Variants in TENM4 observed in about 807,000 individuals in gnomAD.
TENM4 encodes teneurin-4.
In TENM4, 82 loss-of-function variants were observed where a neutral mutation model predicts 243.3. The observed-to-expected ratio is 0.34, with a 90% CI of 0.28 to 0.40. TENM4 has a LOEUF of 0.40. Among genes scored for constraint, TENM4 ranks in the 10% least tolerant of loss-of-function variants. The pLI is 1.00. For synonymous variants in TENM4, 1,412 were observed against 1,456.3 expected (o/e 0.97, Z 0.69); for missense variants, 3,138 against 3,673.3 (o/e 0.85, Z 3.77).
chr11:78,745,186 C>T (rs1485577460), intron 19 of TENM4, among the ~76,000 whole-genome samples: 2 of 151,728 alleles, frequency 1.3e-5, no homozygotes, highest in Non-Finnish European at 2.9e-5. Flanking sequence ...ACACAACAAA[C>T]CAGTGTGGGT....
chr11:78,804,440 G>C (rs664892), intron 15 of TENM4, among the ~76,000 whole-genome samples: 110,022 of 152,090 alleles, frequency 0.72, 40,710 homozygotes, highest in Non-Finnish European at 0.8. Context: ...ATAGCTGACA[G>C]CTTTCTTGTA....
At chr11:78,843,337 T>C (rs1007963395) in intron 12 of TENM4, among the ~76,000 whole-genome samples, 2 of 151,440 alleles carry the variant, frequency 1.3e-5, no homozygotes, top group African/African-American at 4.9e-5. Context: ...TTTTAAAAAA[T>C]TTAGTCAGGT....
intron 6 of TENM4, among the ~76,000 whole-genome samples, chr11:79,029,375 T>A (rs953542045): frequency 6.6e-6 from 1 of 152,222 alleles, no homozygotes; most frequent in African/African-American, 2.4e-5. Flanking sequence ...GAATAACCAA[T>A]GCTCTTATGG....
At chr11:79,109,584 C>A (rs11826323) in intron 4 of TENM4, among the ~76,000 whole-genome samples, 2 of 152,072 alleles carry the variant, frequency 1.3e-5, no homozygotes, top group Non-Finnish European at 2.9e-5. Context: ...TCCCAGCCCA[C>A]GCAAGCGAGC....
chr11:79,170,998 G>A (rs1026970119), intron 3 of TENM4, among the ~76,000 whole-genome samples: 1 of 152,180 alleles, frequency 6.6e-6, no homozygotes, highest in Admixed American at 6.5e-5. Context: ...TTTGACTTGA[G>A]AAAGAGAGGA....
At chr11:79,436,636 G>C (rs986332670) in intron 1 of TENM4, among the ~76,000 whole-genome samples, 4 of 152,102 alleles carry the variant, frequency 2.6e-5, no homozygotes, top group African/African-American at 9.7e-5. Flanking sequence ...ACTCACTATA[G>C]AACTATCCTT....
At chr11:79,053,898 G>A (rs1206186593) in intron 6 of TENM4, among the ~76,000 whole-genome samples, 1 of 152,164 alleles carries the variant, frequency 6.6e-6, no homozygotes, top group East Asian at 1.9e-4. Context: ...CTGTCCATCT[G>A]CCTGGGTTGA....
intron 12 of TENM4, among the ~76,000 whole-genome samples, chr11:78,819,545 C>A (rs1364112649): frequency 2.0e-5 from 3 of 152,188 alleles, no homozygotes; most frequent in Non-Finnish European, 4.4e-5. Flanking sequence ...CTCACCATGG[C>A]ATGGGCATAC....
At chr11:79,406,524 A>G (rs1198942518) in intron 1 of TENM4, among the ~76,000 whole-genome samples, 3 of 152,230 alleles carry the variant, frequency 2.0e-5, no homozygotes, top group South Asian at 2.1e-4. Context: ...CAGAAAGATT[A>G]AAGAGGAAGT....
At chr11:79,174,584 T>C (rs1323568764) in intron 3 of TENM4, among the ~76,000 whole-genome samples, 2 of 152,154 alleles carry the variant, frequency 1.3e-5, no homozygotes, top group Non-Finnish European at 2.9e-5. Flanking sequence ...CTGGGTCAAC[T>C]GGGCTCTCTC....
intron 1 of TENM4, among the ~76,000 whole-genome samples, chr11:79,306,676 A>T (rs1856631222): frequency 6.6e-6 from 1 of 152,216 alleles, no homozygotes; most frequent in Non-Finnish European, 1.5e-5. Flanking sequence ...CTCTACATGC[A>T]CACATTTAGT....
At chr11:79,073,130 T>A (rs539501492) in intron 4 of TENM4, among the ~76,000 whole-genome samples, 1 of 152,322 alleles carries the variant, frequency 6.6e-6, no homozygotes, top group South Asian at 2.1e-4. Context: ...CAAATGGGTA[T>A]AACTGCTGTA....
In TENM4 at chr11:78,941,812, T is replaced by C. The variant is rs1172634109; in HGVS notation, c.494-38289A>G. 2.0e-5 allele frequency among the ~76,000 whole-genome samples: 3 copies of C among 152,204 alleles called. No homozygotes were observed. In the East Asian group the frequency reaches 5.8e-4, roughly 29 times the overall value. On this transcript the variant is annotated intron_variant, in intron 6 of 33. Transcript: ENST00000278550. Reference sequence around the variant, plus strand: ...GACTCTGACACAACACAGGCTGCATTCTTGGCCTGTCTGTAATCAGATTTC... The same window carrying C: ...GACTCTGACACAACACAGGCTGCATCCTTGGCCTGTCTGTAATCAGATTTC...
At chr11:78,814,493 T>G (rs1591043660) in intron 12 of TENM4, 98 bp from the exon 13 acceptor site, 1 of 944,158 alleles carries the variant, frequency 1.1e-6, no homozygotes, top group East Asian at 2.8e-5. Context: ...CCCACATATT[T>G]GAGCTCTTGT....
chr11:79,155,062 A>G (rs908284559), intron 3 of TENM4, among the ~76,000 whole-genome samples: 8 of 152,062 alleles, frequency 5.3e-5, no homozygotes, highest in African/African-American at 1.9e-4. Context: ...CCCTGCACTC[A>G]GGGCCCTTTC....
chr11:79,399,440 G>T (rs1397975860), intron 1 of TENM4, among the ~76,000 whole-genome samples: 1 of 152,168 alleles, frequency 6.6e-6, no homozygotes, highest in Non-Finnish European at 1.5e-5. Flanking sequence ...AGAAGAACTG[G>T]GGAGTGGGAG....
At chr11:79,051,926 T>C (rs1426793301) in intron 6 of TENM4, among the ~76,000 whole-genome samples, 1 of 152,240 alleles carries the variant, frequency 6.6e-6, no homozygotes, top group African/African-American at 2.4e-5. Context: ...TCCAGCTCCA[T>C]CCATGTCCCT....
intron 4 of TENM4, among the ~76,000 whole-genome samples, chr11:79,108,362 G>A (rs191399095): frequency 1.1e-3 from 162 of 152,284 alleles, no homozygotes; most frequent in African/African-American, 3.5e-3. Flanking sequence ...CAAGACTGCA[G>A]CATCAACTCC....
At chr11:79,378,166 TC>T in intron 1 of TENM4, among the ~76,000 whole-genome samples, 1 of 152,346 alleles carries the variant, frequency 6.6e-6, no homozygotes, top group South Asian at 2.1e-4. Context: ...CAACAGCTTC[TC>T]CCCAGGAACT....
Sources: gnomAD v4.1 joint callset for allele counts (sites outside exome capture counted in the v4.1 genomes callset) on GRCh38, gnomAD v4.1.1 for gene constraint, MANE v1.5 for transcripts, NCBI Gene and HGNC (gene_info 2026-07-23, HGNC 2026-07-21) for gene names.